RFT1: variants seen among roughly 807,000 people sequenced by gnomAD.
RFT1 encodes man(5)GlcNAc(2)-PP-dolichol translocation protein RFT1.
A neutral mutation model predicts 62.2 loss-of-function variants in RFT1; 43 were observed. That is an observed-to-expected ratio of 0.69 (90% CI 0.54 to 0.89). The LOEUF (loss-of-function observed/expected upper bound fraction) is 0.89. Among genes scored for constraint, RFT1 ranks in the 40% least tolerant of loss-of-function variants. RFT1 has a pLI of 0.00. For missense variants in RFT1, 605 were observed against 649.9 expected, an observed-to-expected ratio of 0.93 and a Z score of 0.75; for synonymous variants, 262 against 264.6, an observed-to-expected ratio of 0.99 and a Z score of 0.10.
chr3:53,085,994 T>C (rs1015431018), downstream of RFT1: 1 of 152,194 alleles, frequency 6.6e-6, no homozygotes, highest in African/African-American at 2.4e-5. Flanking sequence ...CACTAAATAA[T>C]GGGACTGATT....
the RFT1 span, among the ~76,000 whole-genome samples, chr3:53,082,301 C>T: frequency 1.3e-5 from 2 of 152,028 alleles, no homozygotes; most frequent in African/African-American, 2.4e-5. Flanking sequence ...CATGCAAAAC[C>T]CCATCTCTAC....
Position 53,130,428 on chromosome 3 carries a change from G to A in RFT1, c.-28C>T, listed in dbSNP as rs1702234379. On this transcript the variant is annotated 5_prime_UTR_variant, in exon 1 of 13. Transcript: ENST00000296292. Reference sequence around the variant, plus strand: ...CCTCCGCGCCAGGCTCAGACACCAGGAAATGCCGCCGCCACTCCGTTTAGT... The same window carrying A: ...CCTCCGCGCCAGGCTCAGACACCAGAAAATGCCGCCGCCACTCCGTTTAGT... 1.3e-6 allele frequency: 2 copies of A among 1,550,184 alleles called. No homozygotes were observed.
chr3:53,103,887 G>A lies in RFT1; in HGVS notation c.1102+66C>T, dbSNP rs933241522. Reference sequence around the variant, plus strand: ...AACAACTGTGTGTGCACAAGTTCTTGAATTTCGTGACTCTTCTATTTATGT... The same window carrying A: ...AACAACTGTGTGTGCACAAGTTCTTAAATTTCGTGACTCTTCTATTTATGT... On this transcript the variant is annotated intron_variant, in intron 10 of 12. Coordinates refer to ENST00000296292, the MANE Select transcript of RFT1 (RefSeq NM_052859.4). The A allele has an allele frequency of 1.9e-6, 3 of 1,592,866 alleles. No individual in the cohort carries two copies. The African/African-American group carries it at 4.0e-5, about 21-fold the overall frequency.
intron 6 of RFT1, among the ~76,000 whole-genome samples, chr3:53,119,493 G>C (rs1235649242): frequency 1.3e-5 from 2 of 152,208 alleles, no homozygotes; most frequent in East Asian, 3.8e-4. Flanking sequence ...CATTAAATAA[G>C]GCAGGTAAAG....
At position 53,105,743 on chromosome 3, in the gene RFT1, A is replaced by T. The variant is rs772820136; in HGVS notation, c.887T>A (p.Ile296Lys). The T allele has an allele frequency of 6.2e-7, 1 of 1,613,772 alleles. No individual in the cohort carries two copies. Among genetic ancestry groups the T allele is most frequent in the East Asian group, 2.2e-5 (1 of 44,854 alleles). Residue 296 changes from isoleucine to lysine, a missense_variant, in exon 9 of 13, where the codon ATA becomes AAA. Ile to Lys is a moderately radical substitution (Grantham distance 102). Coordinates refer to ENST00000296292, the MANE Select transcript of RFT1 (RefSeq NM_052859.4). ...AAAAAATATATAAAAACTTTCCTCT[A>T]TTGGCTGGAAAATTAATCTGGCCAC... ...SLVARLIFQP[I>K]EESFYIFFAK...
intron 7 of RFT1, among the ~76,000 whole-genome samples, chr3:53,107,373 G>A (rs1171780965): frequency 1.3e-5 from 2 of 151,984 alleles, no homozygotes; most frequent in Admixed American, 6.6e-5. Context: ...TCCTGACCTC[G>A]TGATCTGCCC....
intron 6 of RFT1, 101 bp from the exon 7 acceptor site, chr3:53,112,009 A>G: frequency 1.1e-6 from 1 of 886,090 alleles, no homozygotes; most frequent in Non-Finnish European, 1.9e-6. Flanking sequence ...TCTAAATCCC[A>G]ACTTGGATAG....
At chr3:53,105,552 G>T in intron 9 of RFT1, 121 bp downstream of exon 9, 1 of 1,244,700 alleles carries the variant, frequency 8.0e-7, no homozygotes, top group Non-Finnish European at 1.2e-6. Context: ...TGTAATAGAA[G>T]AATGAAATCT....
the RFT1 span, among the ~76,000 whole-genome samples, chr3:53,078,814 G>C: frequency 6.6e-6 from 1 of 152,150 alleles, no homozygotes; most frequent in Non-Finnish European, 1.5e-5. Flanking sequence ...CCAGGCTCCA[G>C]CCTTGGTATG....
chr3:53,096,356 C>T (rs1701137355), intron 11 of RFT1, among the ~76,000 whole-genome samples: 1 of 151,760 alleles, frequency 6.6e-6, no homozygotes, highest in Admixed American at 6.6e-5. Flanking sequence ...ATCCATCAAT[C>T]AGATTCTATA....
At chr3:53,067,831 T>A in the RFT1 span, among the ~76,000 whole-genome samples, 1 of 152,216 alleles carries the variant, frequency 6.6e-6, no homozygotes, top group Admixed American at 6.5e-5. Context: ...TGGGAATATC[T>A]AACCCACTGG....
At chr3:53,107,687 C>T (rs1701526600) in intron 7 of RFT1, among the ~76,000 whole-genome samples, 1 of 151,318 alleles carries the variant, frequency 6.6e-6, no homozygotes, top group South Asian at 2.1e-4. Flanking sequence ...AAATTTAAGA[C>T]AGTCTAATGC....
chr3:53,122,252 T>C, intron 4 of RFT1, 122 bp downstream of exon 4: 3 of 966,040 alleles, frequency 3.1e-6, no homozygotes, highest in South Asian at 1.4e-5. Flanking sequence ...TATCTTTTTC[T>C]AAATACATTT....
In RFT1 at chr3:53,092,518, A is replaced by G; in HGVS notation, c.1309T>C (p.Phe437Leu). ...GSVGFILANC[F>L]NMGIRITQSL... ...TGCGTGATCCGAATGCCCATGTTAAAGCAGTTGGCCAAGATGAAGCCCACG... is the reference window on the plus strand; with the variant it reads ...TGCGTGATCCGAATGCCCATGTTAAGGCAGTTGGCCAAGATGAAGCCCACG... Residue 437 changes from phenylalanine to leucine, a missense_variant, in exon 12 of 13, where the codon TTT (phenylalanine) becomes CTT (leucine). Coordinates refer to ENST00000296292, the MANE Select transcript of RFT1 (RefSeq NM_052859.4). 1.9e-6 allele frequency: 3 copies of G among 1,612,532 alleles called. No homozygotes were observed. Among genetic ancestry groups the G allele is most frequent in the Non-Finnish European group, 2.5e-6 (3 of 1,179,642 alleles).
At chr3:53,108,453 G>A (rs1197152773) in intron 7 of RFT1, among the ~76,000 whole-genome samples, 3 of 145,962 alleles carry the variant, frequency 2.1e-5, no homozygotes, top group Non-Finnish European at 4.5e-5. Context: ...GCAGTGGCAC[G>A]ATCTCGTTCA....
intron 3 of RFT1, 97 bp from the exon 4 acceptor site, chr3:53,122,660 A>G (rs1702004015): frequency 1.3e-6 from 1 of 741,454 alleles, no homozygotes; most frequent in Non-Finnish European, 1.9e-6. Context: ...GTTATAATAC[A>G]AACAGCTACC....
At chr3:53,068,885 A>T in the RFT1 span, among the ~76,000 whole-genome samples, 1,789 of 152,302 alleles carry the variant, frequency 0.012, 34 homozygotes, top group African/African-American at 0.041. Context: ...TGATAATTAC[A>T]TGAGATATTC....
intron 3 of RFT1, among the ~76,000 whole-genome samples, chr3:53,123,432 T>C (rs570245077): frequency 1.3e-5 from 2 of 152,264 alleles, no homozygotes; most frequent in African/African-American, 4.8e-5. Flanking sequence ...ACAGTGGTGG[T>C]CAGAAACAGC....
Position 53,092,456 on chromosome 3 carries a change from G to T in RFT1, c.1371C>A (p.Ser457Arg), listed in dbSNP as rs1462754092. 2 of 1,611,730 alleles carry T rather than the reference G, an allele frequency of 1.2e-6. No individual in the cohort carries two copies. The highest frequency in any genetic ancestry group is 1.7e-6 in the Non-Finnish European group (2 of 1,179,364). ...LCFIHRYYRRSPHRPLAGLHL... is the reference protein window; with the variant it reads ...LCFIHRYYRRRPHRPLAGLHL... ...GCAGGCCAGCCAGGGGCCTGTGGGG[G>T]CTCCTTCGGTAGTAGCGGTGGATGA... The change falls in exon 12 of 13, where the codon AGC becomes AGA. Residue 457 changes from serine to arginine, a missense_variant. Transcript: ENST00000296292.
Sources: gnomAD v4.1 joint callset for allele counts (sites outside exome capture counted in the v4.1 genomes callset) on GRCh38, gnomAD v4.1.1 for gene constraint, MANE v1.5 for transcripts, NCBI Gene and HGNC (gene_info 2026-07-23, HGNC 2026-07-21) for gene names.